SNCAIP: variants seen among roughly 807,000 people sequenced by gnomAD.
SNCAIP encodes the protein synuclein alpha interacting protein, also known as synphilin-1.
In SNCAIP, 43 loss-of-function variants were observed where a neutral mutation model predicts 86.7. The ratio of observed to expected loss-of-function variants is 0.50; its 90% CI spans 0.39 to 0.64. The LOEUF (loss-of-function observed/expected upper bound fraction) is 0.64, where lower values mean the gene tolerates loss of function less well. SNCAIP is among the 30% of genes least tolerant of loss of function. The probability of loss-of-function intolerance (pLI) is 0.00; values close to 1 mark genes in which losing one functional copy is unlikely to be tolerated. For missense variants in SNCAIP, 981 were observed against 1,103.1 expected (o/e 0.89, Z 1.57); for synonymous variants, 417 against 427.2 (o/e 0.98, Z 0.29).
intron 1 of SNCAIP, among the ~76,000 whole-genome samples, chr5:122,338,243 T>G (rs1356364042): frequency 6.6e-5 from 10 of 152,206 alleles, no homozygotes; most frequent in Non-Finnish European, 4.4e-5. Flanking sequence ...TATAAATTAT[T>G]TAGCATTTTA....
At chr5:122,433,206 T>C (rs923617001) in intron 6 of SNCAIP, among the ~76,000 whole-genome samples, 1 of 152,056 alleles carries the variant, frequency 6.6e-6, no homozygotes, top group Non-Finnish European at 1.5e-5. Flanking sequence ...TGTAAAATGT[T>C]TCCTATGTGT....
At chr5:122,367,174 C>T (rs958812721) in intron 1 of SNCAIP, among the ~76,000 whole-genome samples, 5 of 151,958 alleles carry the variant, frequency 3.3e-5, no homozygotes, top group Middle Eastern at 3.2e-3. Context: ...GGAATCTGTA[C>T]ACATAGGTAT....
chr5:122,346,616 A>C (rs1758661586), intron 1 of SNCAIP, among the ~76,000 whole-genome samples: 1 of 152,088 alleles, frequency 6.6e-6, no homozygotes, highest in African/African-American at 2.4e-5. Context: ...TATTGCAAAG[A>C]ATAGATTTGT....
chr5:122,335,562 C>G (rs1756271614), intron 1 of SNCAIP, among the ~76,000 whole-genome samples: 1 of 152,194 alleles, frequency 6.6e-6, no homozygotes, highest in African/African-American at 2.4e-5. Context: ...AACTGTTGTA[C>G]ATCAGGTTCT....
At chr5:122,430,959 TTAAG>T (rs1778301025) in intron 5 of SNCAIP, among the ~76,000 whole-genome samples, 1 of 152,190 alleles carries the variant, frequency 6.6e-6, no homozygotes, top group Non-Finnish European at 1.5e-5. Flanking sequence ...ATTTTACTAA[TTAAG>T]ATATTTACCT....
intron 5 of SNCAIP, among the ~76,000 whole-genome samples, chr5:122,430,088 A>G (rs1250603831): frequency 6.6e-6 from 1 of 152,172 alleles, no homozygotes; most frequent in Non-Finnish European, 1.5e-5. Flanking sequence ...TGGGAGTTCC[A>G]TTATCCAAAT....
At chr5:122,429,924 C>T (rs745439744) in intron 5 of SNCAIP, among the ~76,000 whole-genome samples, 1 of 152,140 alleles carries the variant, frequency 6.6e-6, no homozygotes, top group African/African-American at 2.4e-5. Context: ...TGGCCAATGG[C>T]AACCCCATAG....
intron 1 of SNCAIP, among the ~76,000 whole-genome samples, chr5:122,346,318 A>C (rs1758616077): frequency 6.6e-6 from 1 of 152,168 alleles, no homozygotes; most frequent in Admixed American, 6.6e-5. Flanking sequence ...TACATGGTTC[A>C]GCTAATAGTA....
At chr5:122,312,048 C>T (rs925841524), upstream of SNCAIP, 10 of 146,864 alleles carry the variant, frequency 6.8e-5, no homozygotes, top group Admixed American at 3.4e-4. Context: ...GTTCCTTGTC[C>T]CCCAGCGCCG....
At chr5:122,319,529 T>G (rs1441500717) in intron 1 of SNCAIP, among the ~76,000 whole-genome samples, 1 of 152,218 alleles carries the variant, frequency 6.6e-6, no homozygotes, top group Non-Finnish European at 1.5e-5. Context: ...TAAACTGTTT[T>G]CAGTCTGAGA....
chr5:122,422,109 T>C (rs1474666023), intron 3 of SNCAIP, among the ~76,000 whole-genome samples: 1 of 152,120 alleles, frequency 6.6e-6, no homozygotes, highest in Non-Finnish European at 1.5e-5. Flanking sequence ...AGGGCAGTAT[T>C]GAATCCTAAA....
At chr5:122,430,768 C>T (rs1000326296) in intron 5 of SNCAIP, among the ~76,000 whole-genome samples, 10 of 151,680 alleles carry the variant, frequency 6.6e-5, no homozygotes, top group Non-Finnish European at 1.3e-4. Flanking sequence ...GTAAAAAATA[C>T]TCATAAACGA....
chr5:122,399,340 T>C (rs1200250945), intron 2 of SNCAIP, among the ~76,000 whole-genome samples: 1 of 152,176 alleles, frequency 6.6e-6, no homozygotes, highest in African/African-American at 2.4e-5. Flanking sequence ...CCCAGAGATA[T>C]TAAATGAATT....
At chr5:122,358,349 TC>T (rs1554085622) in intron 1 of SNCAIP, among the ~76,000 whole-genome samples, 1 of 95,122 alleles carries the variant, frequency 1.1e-5, no homozygotes, top group African/African-American at 4.0e-5. Context: ...ATGCTATCCC[TC>T]CCCCCTCCCC....
At chr5:122,388,129 C>A (rs1016969206) in intron 1 of SNCAIP, among the ~76,000 whole-genome samples, 1 of 152,182 alleles carries the variant, frequency 6.6e-6, no homozygotes, top group African/African-American at 2.4e-5. Flanking sequence ...GGAGCAGCTG[C>A]GGCTTAGCTC....
intron 10 of SNCAIP, 67 bp downstream of exon 10, chr5:122,451,668 G>C (rs1412732977): frequency 1.6e-6 from 2 of 1,219,606 alleles, no homozygotes; most frequent in African/African-American, 3.0e-5. Context: ...TAATATCACA[G>C]ATTGTGGGCC....
chr5:122,421,547 C>T (rs552210347), intron 3 of SNCAIP, among the ~76,000 whole-genome samples: 1 of 152,322 alleles, frequency 6.6e-6, no homozygotes, highest in South Asian at 2.1e-4. Flanking sequence ...ACACCCATCT[C>T]ATGTTCTTTT....
intron 1 of SNCAIP, among the ~76,000 whole-genome samples, chr5:122,316,846 G>A (rs1231431436): frequency 6.6e-6 from 1 of 152,202 alleles, no homozygotes; most frequent in African/African-American, 2.4e-5. Flanking sequence ...TGCAGCTGCT[G>A]GGCCAGACAG....
At chr5:122,322,398 A>G (rs1219447747) in intron 1 of SNCAIP, among the ~76,000 whole-genome samples, 1 of 152,246 alleles carries the variant, frequency 6.6e-6, no homozygotes, top group Non-Finnish European at 1.5e-5. Flanking sequence ...ATGGAGGGAA[A>G]TATGTTTGAT....
Sources: gnomAD v4.1 joint callset for allele counts (sites outside exome capture counted in the v4.1 genomes callset) on GRCh38, gnomAD v4.1.1 for gene constraint, MANE v1.5 for transcripts, NCBI Gene and HGNC (gene_info 2026-07-23, HGNC 2026-07-21) for gene names.